Variants in ABI1 observed in about 807,000 individuals in gnomAD.
ABI1 encodes Abelson interactor 1.
ABI1 carries 14 observed loss-of-function variants against 54.6 expected under a neutral mutation model. The observed-to-expected ratio is 0.26, with a 90% CI of 0.17 to 0.40. The LOEUF (loss-of-function observed/expected upper bound fraction) is 0.40, where lower values mean the gene tolerates loss of function less well. Among genes scored for constraint, ABI1 ranks in the 10% least tolerant of loss-of-function variants. ABI1 has a pLI of 1.00. For synonymous variants in ABI1, 194 were observed against 209.3 expected (o/e 0.93, Z 0.63); for missense variants, 443 against 598.3 (o/e 0.74, Z 2.71).
chr10:26,811,097 C>T (rs1313362248), intron 2 of ABI1, among the ~76,000 whole-genome samples: 1 of 152,070 alleles, frequency 6.6e-6, no homozygotes, highest in African/African-American at 2.4e-5. Context: ...CATGAAGTAA[C>T]TTACTATAAC....
chr10:26,773,293 C>T (rs1195966982), intron 3 of ABI1, among the ~76,000 whole-genome samples: 4 of 143,794 alleles, frequency 2.8e-5, no homozygotes, highest in African/African-American at 7.9e-5. Flanking sequence ...CCTCTGCCTC[C>T]CGGGTTCAAG....
At chr10:26,765,102 C>T in intron 7 of ABI1, 116 bp downstream of exon 7, 1 of 733,938 alleles carries the variant, frequency 1.4e-6, no homozygotes, top group Non-Finnish European at 2.2e-6. Context: ...TTTATTCTAG[C>T]AACGATCACA....
At chr10:26,775,501 C>T (rs1451893760) in intron 3 of ABI1, among the ~76,000 whole-genome samples, 1 of 151,834 alleles carries the variant, frequency 6.6e-6, no homozygotes, top group Non-Finnish European at 1.5e-5. Flanking sequence ...AAAACCAAGC[C>T]CCCCAACCCT....
Position 26,860,816 on chromosome 10 carries a change from C to T in ABI1, c.48G>A (p.Lys16=), listed in dbSNP as rs1273517906. 2 of 1,614,214 alleles carry T rather than the reference C, an allele frequency of 1.2e-6. No individual in the cohort carries two copies. The highest frequency in any genetic ancestry group is 3.3e-4 in the Middle Eastern group (2 of 6,062). The change falls in exon 1 of 11, where the codon AAG becomes AAA. Residue 16 remains lysine (K), a synonymous_variant. Transcript: ENST00000376140. The surrounding 1 kb of genome is among the most constrained non-coding windows in gnomAD (Gnocchi z 4.1). ...MLLEEEIPSG[K]RALIESYQNL... is the part of the protein sequence containing the mutation. The stretch of plus-strand genomic sequence containing the variant: ...TCTGGTAACTCTCGATCAGCGCCCT[C>T]TTGCCAGACGGGATCTCCTCCTCTA...
At chr10:26,780,072 T>A (rs1039591426) in intron 2 of ABI1, among the ~76,000 whole-genome samples, 1 of 152,156 alleles carries the variant, frequency 6.6e-6, no homozygotes, top group African/African-American at 2.4e-5. Flanking sequence ...GTAAAGAGCC[T>A]ACATTAAGGC....
chr10:26,764,927 C>A (rs1042249206), intron 7 of ABI1, among the ~76,000 whole-genome samples: 1 of 152,076 alleles, frequency 6.6e-6, no homozygotes, highest in East Asian at 1.9e-4. Context: ...GAACCAATCC[C>A]CCATGGACAC....
chr10:26,831,517 T>C (rs1026343333), intron 1 of ABI1, among the ~76,000 whole-genome samples: 4 of 152,148 alleles, frequency 2.6e-5, no homozygotes, highest in Admixed American at 2.6e-4. Flanking sequence ...CACTCCAGCC[T>C]GGGCGACAAA....
Position 26,799,826 on chromosome 10 carries a change from A to G in ABI1, c.286-22585T>C, listed in dbSNP as rs74353153. Among the ~76,000 whole-genome samples the G allele has an allele frequency of 1.3e-4, 20 of 152,288 alleles. No individual in the cohort carries two copies. The East Asian group carries it at 3.9e-3, about 29-fold the overall frequency. On this transcript the variant is annotated intron_variant, in intron 2 of 10. Coordinates refer to ENST00000376140, the MANE Select transcript of ABI1 (RefSeq NM_001012750.3). ...AATTATTCCCAATTAATTGAAAAAA[A>G]TTCCTCTGACAGTACATTTTGCTGC...
At chr10:26,829,182 C>T (rs1029246687) in intron 1 of ABI1, among the ~76,000 whole-genome samples, 11 of 150,924 alleles carry the variant, frequency 7.3e-5, no homozygotes, top group African/African-American at 2.4e-4. Context: ...GCCCAGATCG[C>T]GCCACTGCAC....
chr10:26,806,955 T>C (rs2046912743), intron 2 of ABI1, among the ~76,000 whole-genome samples: 1 of 152,230 alleles, frequency 6.6e-6, no homozygotes, highest in African/African-American at 2.4e-5. Context: ...CCAACATGCA[T>C]GTAATTGCAA....
At chr10:26,822,889 T>C (rs78309291) in intron 2 of ABI1, among the ~76,000 whole-genome samples, 5,802 of 152,240 alleles carry the variant, frequency 0.038, 320 homozygotes, top group African/African-American at 0.12. Flanking sequence ...AGTTGTACAA[T>C]GTGAATGTAC....
intron 2 of ABI1, among the ~76,000 whole-genome samples, chr10:26,782,380 C>A (rs1421076809): frequency 1.3e-5 from 2 of 151,648 alleles, no homozygotes; most frequent in Admixed American, 6.6e-5. Flanking sequence ...AAAAAAAAAA[C>A]CCGACTCAAA....
chr10:26,823,451 T>G, intron 1 of ABI1, 146 bp from the exon 2 acceptor site: 1 of 682,516 alleles, frequency 1.5e-6, no homozygotes, highest in East Asian at 3.4e-5. Context: ...CTCAGGATAC[T>G]ACTGAATTAA....
intron 8 of ABI1, 131 bp downstream of exon 8, chr10:26,758,931 C>A (rs2132526034): frequency 2.0e-6 from 2 of 993,510 alleles, no homozygotes; most frequent in East Asian, 5.0e-5. Context: ...GACTAATATC[C>A]TAAAACAAAA....
intron 8 of ABI1, among the ~76,000 whole-genome samples, chr10:26,757,924 T>G (rs984288681): frequency 6.6e-6 from 1 of 151,676 alleles, no homozygotes; most frequent in Non-Finnish European, 1.5e-5. Context: ...AAAAATTGGC[T>G]AGGTGTAGTG....
chr10:26,844,220 T>C (rs2049804862), intron 1 of ABI1, among the ~76,000 whole-genome samples: 1 of 151,948 alleles, frequency 6.6e-6, no homozygotes, highest in African/African-American at 2.4e-5. Flanking sequence ...TGCCTCCCAA[T>C]CCCCCTTCCC....
At chr10:26,774,770 T>G (rs1246756790) in intron 3 of ABI1, among the ~76,000 whole-genome samples, 2 of 152,056 alleles carry the variant, frequency 1.3e-5, no homozygotes, top group South Asian at 2.1e-4. Context: ...TCTTGGAGTA[T>G]GGCAATCGTA....
intron 10 of ABI1, among the ~76,000 whole-genome samples, chr10:26,750,236 C>A (rs1276795490): frequency 6.6e-6 from 1 of 152,188 alleles, no homozygotes; most frequent in East Asian, 1.9e-4. Flanking sequence ...CGGCTCATGC[C>A]GGTAATCCCA....
chr10:26,822,155 A>C (rs2048022577), intron 2 of ABI1, among the ~76,000 whole-genome samples: 1 of 151,416 alleles, frequency 6.6e-6, no homozygotes, highest in Non-Finnish European at 1.5e-5. Flanking sequence ...TCACCATATT[A>C]ATAGACATAT....
Sources: gnomAD v4.1 joint callset for allele counts (sites outside exome capture counted in the v4.1 genomes callset) on GRCh38, gnomAD v4.1.1 for gene constraint, Gnocchi (gnomAD v3.1) non-coding constraint, MANE v1.5 for transcripts, NCBI Gene and HGNC (gene_info 2026-07-23, HGNC 2026-07-21) for gene names.